The following CELA1 variants were observed in gnomAD, a reference collection of about 807,000 sequenced individuals.
The protein encoded by CELA1 is chymotrypsin like elastase 1.
In CELA1, 28 loss-of-function variants were observed where a neutral mutation model predicts 34.8. The observed-to-expected ratio is 0.80, with a 90% CI of 0.60 to 1.10. CELA1 has a LOEUF of 1.10. CELA1 is among the 50% of genes least tolerant of loss of function. CELA1 has a pLI of 0.00. For synonymous variants in CELA1, 140 were observed against 129.8 expected, an observed-to-expected ratio of 1.08 and a Z score of -0.53; for missense variants, 288 against 327.5, an observed-to-expected ratio of 0.88 and a Z score of 0.93.
At chr12:51,342,469 G>A in intron 4 of CELA1, 106 bp downstream of exon 4, 5 of 1,511,822 alleles carry the variant, frequency 3.3e-6, no homozygotes, top group African/African-American at 1.4e-5. Context: ...CCAGGTTTCA[G>A]GCCATGCAAT....
intron 3 of CELA1, 54 bp from the exon 4 acceptor site, chr12:51,342,754 C>T (rs1044043425): frequency 8.3e-6 from 13 of 1,562,702 alleles, no homozygotes; most frequent in African/African-American, 2.8e-5. Flanking sequence ...ACCTTCTCTA[C>T]CCCACTTAGA....
At chr12:51,344,478 G>A (rs1214853810) in intron 2 of CELA1, among the ~76,000 whole-genome samples, 1 of 151,862 alleles carries the variant, frequency 6.6e-6, no homozygotes, top group Non-Finnish European at 1.5e-5. Context: ...GGATCACCAG[G>A]TCAGGAGATC....
At chr12:51,343,225 G>A (rs78976994) in intron 3 of CELA1, among the ~76,000 whole-genome samples, 1,721 of 152,148 alleles carry the variant, frequency 0.011, 19 homozygotes, top group African/African-American at 0.039. Flanking sequence ...TTCTTAAAGC[G>A]TGGTTCCTGG....
Position 51,346,635 on chromosome 12 carries a change from G to T in CELA1, c.4C>A (p.Leu2Met). Residue 2 changes from leucine to methionine, a missense_variant, in exon 1 of 8, where the codon CTG becomes ATG. Transcript: ENST00000293636. M[L>M]VLYGHSTQDL... ...CATATCCACTTACCATAAAGGACCA[G>T]CATGTTGCCGATGGAGTAGACCACT... is the stretch of plus-strand genomic sequence containing the variant. 2 of 1,596,086 alleles carry T rather than the reference G, an allele frequency of 1.3e-6. No homozygotes were observed. The highest frequency in any genetic ancestry group is 1.7e-5 in the Admixed American group (1 of 59,428).
chr12:51,341,335 A>G lies in CELA1; in HGVS notation c.372T>C (p.Asn124=), dbSNP rs1237361020. 1 of 1,614,174 alleles carries G rather than the reference A, an allele frequency of 6.2e-7. No individual in the cohort carries two copies. The highest frequency in any genetic ancestry group is 1.7e-5 in the Admixed American group (1 of 60,022). The change falls in exon 5 of 8, where the codon AAT becomes AAC. Residue 124 remains asparagine, a synonymous_variant. Transcript: ENST00000293636. The stretch of plus-strand genomic sequence containing the variant: ...GCAGAACACCCAGCTGGACATAGCT[A>G]TTGAGGGTAACGCTCTGGGCCAGGC... ...LLRLAQSVTL[N]SYVQLGVLPQ...
intron 4 of CELA1, among the ~76,000 whole-genome samples, chr12:51,341,657 AAGG>A (rs2137482409): frequency 6.6e-6 from 1 of 152,296 alleles, no homozygotes; most frequent in Non-Finnish European, 1.5e-5. Flanking sequence ...GGGAATCTGA[AAGG>A]AGCAGAGTGG....
intron 1 of CELA1, 129 bp from the exon 2 acceptor site, chr12:51,346,006 A>G: frequency 1.5e-6 from 1 of 652,286 alleles, no homozygotes; most frequent in Non-Finnish European, 2.6e-6. Context: ...TCTCTAACGA[A>G]TGAGGGGCCC....
In CELA1 at chr12:51,329,717, G is replaced by A; in HGVS notation, c.726C>T (p.Thr242=). The part of the protein sequence containing the change: ...CNVSRKPTVF[T]QVSAYISWIN... ...TCCAGGAGATGTAAGCAGAGACCTG[G>A]GTGAAGACTGTAGGCTTCCTGGAGA... Residue 242 remains threonine, a synonymous_variant, in exon 7 of 8, where the codon ACC becomes ACT. Transcript: ENST00000293636. 1 of 1,613,744 alleles carries A rather than the reference G, an allele frequency of 6.2e-7. No individual in the cohort carries two copies. Among genetic ancestry groups the A allele is most frequent in the Non-Finnish European group, 8.5e-7 (1 of 1,179,882 alleles).
intron 2 of CELA1, 35 bp downstream of exon 2, chr12:51,345,760 T>C (rs1489128680): frequency 3.5e-6 from 5 of 1,438,786 alleles, no homozygotes; most frequent in Middle Eastern, 1.7e-4. Context: ...AGCTCTTATT[T>C]GGGTGGAAGT....
At chr12:51,344,737 C>T (rs1946555872) in intron 2 of CELA1, among the ~76,000 whole-genome samples, 2 of 152,168 alleles carry the variant, frequency 1.3e-5, no homozygotes, top group Admixed American at 6.5e-5. Flanking sequence ...AGATTTGCTC[C>T]ATCACCTAAG....
Position 51,341,197 on chromosome 12 carries a change from C to T in CELA1, c.463+47G>A. 5.6e-6 allele frequency: 9 copies of T among 1,609,504 alleles called. No individual in the cohort carries two copies. In the African/African-American group the frequency reaches 6.7e-5, roughly 12 times the overall value. ...AAAAGGTGTCTTAGAAGCTCAGCTA[C>T]CTAATCAAGATCCCCGTGGTGGATT... On this transcript the variant is annotated intron_variant, in intron 5 of 7. Coordinates refer to ENST00000293636, the MANE Select transcript of CELA1 (RefSeq NM_001971.6).
intron 6 of CELA1, among the ~76,000 whole-genome samples, chr12:51,338,215 G>T (rs1946511495): frequency 6.7e-6 from 1 of 149,586 alleles, no homozygotes; most frequent in African/African-American, 2.5e-5. Flanking sequence ...TCCAGTCTGG[G>T]CGACAGAGTG....
chr12:51,343,725 C>T (rs368040395), intron 3 of CELA1, 28 bp downstream of exon 3: 1 of 1,390,686 alleles, frequency 7.2e-7, no homozygotes, highest in Non-Finnish European at 1.0e-6. Context: ...TCCAGGGGCC[C>T]AGGAAAGCTT....
At chr12:51,339,740 G>T in intron 6 of CELA1, 120 bp downstream of exon 6, 1 of 925,034 alleles carries the variant, frequency 1.1e-6, no homozygotes, top group Non-Finnish European at 1.6e-6. Context: ...AGACGCCAGA[G>T]TAGAAAATTG....
intron 1 of CELA1, among the ~76,000 whole-genome samples, chr12:51,346,201 C>G (rs1946564081): frequency 6.7e-6 from 1 of 149,996 alleles, no homozygotes; most frequent in Non-Finnish European, 1.5e-5. Flanking sequence ...GAGACCCCCC[C>G]CCACTCTTTG....
At chr12:51,332,199 A>AAC (rs1946474239) in intron 6 of CELA1, among the ~76,000 whole-genome samples, 1 of 151,950 alleles carries the variant, frequency 6.6e-6, no homozygotes, top group Non-Finnish European at 1.5e-5. Flanking sequence ...AAAAAAAAAA[A>AAC]AAAAAGTTAT....
intron 2 of CELA1, among the ~76,000 whole-genome samples, chr12:51,345,144 A>G (rs977765152): frequency 1.3e-5 from 2 of 152,032 alleles, no homozygotes; most frequent in East Asian, 1.9e-4. Context: ...AAAAATACCA[A>G]TAGGATGTTT....
At chr12:51,342,794 A>C in intron 3 of CELA1, 94 bp from the exon 4 acceptor site, 1 of 1,382,672 alleles carries the variant, frequency 7.2e-7, no homozygotes, top group Non-Finnish European at 9.6e-7. Flanking sequence ...TTTTTTTTTA[A>C]TCATTATTAT....
chr12:51,342,798 T>C (rs1946545528), intron 3 of CELA1, 98 bp from the exon 4 acceptor site: 2 of 1,371,216 alleles, frequency 1.5e-6, no homozygotes, highest in Non-Finnish European at 1.9e-6. Flanking sequence ...TTTTTAATCA[T>C]TATTATTTAG....
Sources: gnomAD v4.1 joint callset for allele counts (sites outside exome capture counted in the v4.1 genomes callset) on GRCh38, gnomAD v4.1.1 for gene constraint, MANE v1.5 for transcripts, NCBI Gene and HGNC (gene_info 2026-07-23, HGNC 2026-07-21) for gene names.